Variants in PPFIA2 observed in about 807,000 individuals in gnomAD.
PPFIA2 encodes PPFI scaffold protein A2.
A neutral mutation model predicts 175.5 loss-of-function variants in PPFIA2; 46 were observed. The observed-to-expected ratio is 0.26, with a 90% confidence interval of 0.21 to 0.34. The LOEUF is 0.34. Among genes scored for constraint, PPFIA2 ranks in the 10% least tolerant of loss-of-function variants. The pLI is 1.00. For synonymous variants in PPFIA2, 568 were observed against 511.4 expected (o/e 1.11, Z -1.49); for missense variants, 1,179 against 1,506.1 (o/e 0.78, Z 3.60).
chr12:81,729,506 T>C (rs1414818603), intron 3 of PPFIA2, among the ~76,000 whole-genome samples: 2 of 151,558 alleles, frequency 1.3e-5, no homozygotes, highest in South Asian at 2.1e-4. Flanking sequence ...TACTTTATTA[T>C]TGGAGATATT....
chr12:81,371,485 T>G (rs1027526312), intron 11 of PPFIA2, among the ~76,000 whole-genome samples: 4 of 151,674 alleles, frequency 2.6e-5, no homozygotes, highest in African/African-American at 9.7e-5. Context: ...CAAAACTGTG[T>G]CTTCAAAAAT....
intron 7 of PPFIA2, among the ~76,000 whole-genome samples, chr12:81,408,385 T>C (rs1241435026): frequency 6.6e-6 from 1 of 152,180 alleles, no homozygotes; most frequent in Non-Finnish European, 1.5e-5. Flanking sequence ...TACCAGGCCA[T>C]TTAAAAATTA....
intron 31 of PPFIA2, 89 bp from the exon 32 acceptor site, chr12:81,262,129 G>T: frequency 1.1e-6 from 1 of 903,178 alleles, no homozygotes. Flanking sequence ...TGCATACAGG[G>T]ATTCCGAACA....
chr12:81,757,303 A>T (rs1922559), intron 2 of PPFIA2, among the ~76,000 whole-genome samples: 127,160 of 152,182 alleles, frequency 0.84, 54,668 homozygotes, highest in Middle Eastern at 0.96. Flanking sequence ...TATAATCAGT[A>T]TCAATACTAA....
intron 20 of PPFIA2, among the ~76,000 whole-genome samples, chr12:81,340,851 T>C (rs975145788): frequency 2.6e-5 from 4 of 152,108 alleles, no homozygotes; most frequent in Admixed American, 2.0e-4. Context: ...TATTCTTATC[T>C]ATATTGACCA....
At chr12:81,408,843 C>T (rs547648792) in intron 7 of PPFIA2, among the ~76,000 whole-genome samples, 1 of 152,254 alleles carries the variant, frequency 6.6e-6, no homozygotes, top group East Asian at 1.9e-4. Context: ...ATATTCTCTA[C>T]CACTGTAATA....
intron 7 of PPFIA2, among the ~76,000 whole-genome samples, chr12:81,433,649 T>C (rs115294301): frequency 2.4e-4 from 36 of 152,348 alleles, no homozygotes; most frequent in African/African-American, 8.4e-4. Context: ...GCATACTGAA[T>C]GTTGTTCAAA....
At chr12:81,549,339 G>A (rs780523287) in intron 4 of PPFIA2, among the ~76,000 whole-genome samples, 2 of 151,914 alleles carry the variant, frequency 1.3e-5, no homozygotes, top group African/African-American at 2.4e-5. Flanking sequence ...GATAATTAAT[G>A]TATATTCTAA....
chr12:81,445,216 G>GGT (rs2051012819), intron 6 of PPFIA2, among the ~76,000 whole-genome samples: 2 of 106,192 alleles, frequency 1.9e-5, no homozygotes, highest in Non-Finnish European at 3.6e-5. Flanking sequence ...TGGGGGGGGG[G>GGT]GAGGGGGGAG....
intron 4 of PPFIA2, among the ~76,000 whole-genome samples, chr12:81,650,358 T>A (rs757141467): frequency 3.4e-4 from 52 of 152,294 alleles, no homozygotes; most frequent in Non-Finnish European, 5.9e-4. Context: ...CTATTGTACC[T>A]GAGTAAAAAA....
intron 29 of PPFIA2, among the ~76,000 whole-genome samples, chr12:81,267,441 G>GCC (rs2037621163): frequency 6.6e-6 from 1 of 152,166 alleles, no homozygotes; most frequent in East Asian, 1.9e-4. Flanking sequence ...AGATTCCTAT[G>GCC]CCCTATCTCT....
At chr12:81,438,302 T>C (rs1451397693) in intron 7 of PPFIA2, among the ~76,000 whole-genome samples, 3 of 152,138 alleles carry the variant, frequency 2.0e-5, no homozygotes, top group Admixed American at 6.6e-5. Flanking sequence ...ACCCCGTCTC[T>C]ACTAAAAATA....
chr12:81,691,764 A>G (rs924550954), intron 3 of PPFIA2, among the ~76,000 whole-genome samples: 1 of 152,166 alleles, frequency 6.6e-6, no homozygotes, highest in African/African-American at 2.4e-5. Flanking sequence ...TGGAAAGGAG[A>G]TAAGTAACTT....
chr12:81,494,895 G>A (rs1052611602), intron 4 of PPFIA2, among the ~76,000 whole-genome samples: 3 of 137,494 alleles, frequency 2.2e-5, no homozygotes, highest in African/African-American at 5.5e-5. Context: ...ATTGAACAAT[G>A]AGAACACATA....
intron 6 of PPFIA2, among the ~76,000 whole-genome samples, chr12:81,442,173 T>C (rs1402881339): frequency 6.6e-6 from 1 of 152,104 alleles, no homozygotes; most frequent in Non-Finnish European, 1.5e-5. Context: ...TCATCTTTCA[T>C]ATATTTAGAA....
intron 4 of PPFIA2, among the ~76,000 whole-genome samples, chr12:81,657,458 G>T (rs1047033868): frequency 6.6e-6 from 1 of 152,106 alleles, no homozygotes; most frequent in Non-Finnish European, 1.5e-5. Context: ...CTGGAGATTG[G>T]CCTTCAGACT....
chr12:81,368,950 A>T, intron 12 of PPFIA2, 94 bp from the exon 13 acceptor site: 1 of 1,412,684 alleles, frequency 7.1e-7, no homozygotes, highest in Non-Finnish European at 9.6e-7. Context: ...TTAATTTTAC[A>T]TCTGTTTTGA....
chr12:81,500,303 G>C (rs890049245), intron 4 of PPFIA2, among the ~76,000 whole-genome samples: 3 of 152,040 alleles, frequency 2.0e-5, no homozygotes, highest in Non-Finnish European at 4.4e-5. Context: ...CTATCCTATA[G>C]AGCCTAGTAC....
intron 4 of PPFIA2, among the ~76,000 whole-genome samples, chr12:81,467,853 CT>C: frequency 6.6e-6 from 1 of 152,208 alleles, no homozygotes; most frequent in East Asian, 1.9e-4. Flanking sequence ...AGCCTGAAGT[CT>C]TTCACAGATT....
Sources: gnomAD v4.1 joint callset for allele counts (sites outside exome capture counted in the v4.1 genomes callset) on GRCh38, gnomAD v4.1.1 for gene constraint, MANE v1.5 for transcripts, NCBI Gene and HGNC (gene_info 2026-07-23, HGNC 2026-07-21) for gene names.